Variants in KCNH1 observed in about 807,000 individuals in gnomAD.
KCNH1 encodes the protein voltage-gated delayed rectifier potassium channel KCNH1.
A neutral mutation model predicts 69.2 loss-of-function variants in KCNH1; 27 were observed. That is an observed-to-expected ratio of 0.39 (90% CI 0.29 to 0.54). KCNH1 has a LOEUF of 0.54. Ranked by LOEUF, KCNH1 falls within the 20% of genes least tolerant of loss-of-function variation. The pLI is 0.68. For missense variants in KCNH1, 798 were observed against 1,261.6 expected (o/e 0.63, Z 5.57); for synonymous variants, 456 against 487.7 (o/e 0.93, Z 0.86).
intron 10 of KCNH1, among the ~76,000 whole-genome samples, chr1:210,694,563 C>A (rs115354421): frequency 2.0e-5 from 3 of 152,200 alleles, no homozygotes; most frequent in Non-Finnish European, 1.5e-5. Flanking sequence ...AAGAAACTCT[C>A]AGCCAGTGAG....
chr1:210,981,729 T>C (rs1190125154), intron 6 of KCNH1, among the ~76,000 whole-genome samples: 1 of 152,190 alleles, frequency 6.6e-6, no homozygotes, highest in African/African-American at 2.4e-5. Context: ...CAAAACTTCC[T>C]GGCAAACTTG....
In KCNH1 at chr1:211,111,830, T is replaced by G. The variant is rs376748003; in HGVS notation, c.80-4453A>C. The stretch of plus-strand genomic sequence containing the variant: ...CACCGTCTAGGAAGTGAGGTGCCCC[T>G]CTGCCTGGCCGCTGTACTGTCTGGG... On this transcript the variant is annotated intron_variant, in intron 1 of 10. Coordinates refer to ENST00000271751, the MANE Select transcript of KCNH1 (RefSeq NM_172362.3). Among the ~76,000 whole-genome samples the G allele has an allele frequency of 1.7e-3, 150 of 89,206 alleles. 11 individuals are homozygous for G. In the East Asian group the frequency reaches 0.025, roughly 15 times the overall value. 58.5% of individuals were successfully genotyped at this position (89,206 alleles called of 152,430 possible).
intron 5 of KCNH1, among the ~76,000 whole-genome samples, chr1:211,068,130 G>T (rs1223692595): frequency 6.6e-6 from 1 of 152,194 alleles, no homozygotes; most frequent in African/African-American, 2.4e-5. Flanking sequence ...ATACAAAATT[G>T]CTATTCTCAG....
chr1:211,095,287 C>G (rs1044777768), intron 3 of KCNH1, among the ~76,000 whole-genome samples: 1 of 152,152 alleles, frequency 6.6e-6, no homozygotes, highest in African/African-American at 2.4e-5. Context: ...AATGTTAAAT[C>G]CTTTATTGAA....
At chr1:210,963,576 C>T (rs1558543521) in intron 6 of KCNH1, among the ~76,000 whole-genome samples, 1 of 151,992 alleles carries the variant, frequency 6.6e-6, no homozygotes, top group East Asian at 1.9e-4. Flanking sequence ...ACTAGAACAA[C>T]CAGTTTATAG....
chr1:210,860,699 G>C lies in KCNH1; in HGVS notation c.1463-56533C>G. On this transcript the variant is annotated intron_variant, in intron 7 of 10. Coordinates refer to ENST00000271751, the MANE Select transcript of KCNH1 (RefSeq NM_172362.3). ...GTGATACATTCTTTAGATTTTTCTT[G>C]ATTGCTGATAAATACTTGAAGGACA... 3.9e-6 allele frequency: 3 copies of C among 774,514 alleles called. 1 individual carries two copies. In the Admixed American group the frequency reaches 5.3e-5, roughly 14 times the overall value. The allele number at this position is 774,514 out of a possible 1,614,324, so 48.0% of individuals were successfully genotyped here. A position where few individuals can be genotyped will look rare whatever the true frequency, so the allele number is the denominator to read the frequency against.
intron 10 of KCNH1, among the ~76,000 whole-genome samples, chr1:210,736,540 TC>T (rs199890336): frequency 4.7e-5 from 7 of 149,678 alleles, no homozygotes; most frequent in Non-Finnish European, 1.0e-4. Flanking sequence ...TGAAACTCCA[TC>T]CCCCCTCCAA....
chr1:210,988,486 A>C (rs977482952), intron 6 of KCNH1, among the ~76,000 whole-genome samples: 1 of 152,232 alleles, frequency 6.6e-6, no homozygotes, highest in African/African-American at 2.4e-5. Flanking sequence ...AACCGTTTAC[A>C]AATTCAGATA....
intron 9 of KCNH1, among the ~76,000 whole-genome samples, chr1:210,784,096 G>C (rs1371238062): frequency 1.3e-5 from 2 of 152,210 alleles, no homozygotes; most frequent in East Asian, 3.8e-4. Context: ...CAGAAAGCAA[G>C]AATTAGTGAG....
intron 10 of KCNH1, among the ~76,000 whole-genome samples, chr1:210,691,878 T>C (rs1262088151): frequency 1.3e-5 from 2 of 152,238 alleles, no homozygotes; most frequent in Non-Finnish European, 2.9e-5. Context: ...GTTTGGCTTA[T>C]TGGAAAATCC....
chr1:210,801,331 G>C (rs1312737229), intron 8 of KCNH1, among the ~76,000 whole-genome samples: 1 of 152,200 alleles, frequency 6.6e-6, no homozygotes, highest in Non-Finnish European at 1.5e-5. Flanking sequence ...CTAGATTGGA[G>C]GGGAGGGGCA....
At chr1:211,100,614 G>A (rs1386993914) in intron 3 of KCNH1, among the ~76,000 whole-genome samples, 1 of 152,168 alleles carries the variant, frequency 6.6e-6, no homozygotes, top group African/African-American at 2.4e-5. Flanking sequence ...GCCTCCCAAA[G>A]TGCCGGGATT....
intron 7 of KCNH1, chr1:210,858,186 A>G (rs529589639): frequency 6.6e-6 from 1 of 152,262 alleles, no homozygotes; most frequent in African/African-American, 2.4e-5. Flanking sequence ...CTCTTAGATC[A>G]ACTCTTTCAC....
intron 7 of KCNH1, among the ~76,000 whole-genome samples, chr1:210,806,548 T>G (rs1404907283): frequency 6.6e-6 from 1 of 152,046 alleles, no homozygotes; most frequent in Non-Finnish European, 1.5e-5. Context: ...GTTTTAGCTT[T>G]GATGTAGCTC....
chr1:210,728,277 G>T (rs1682657512), intron 10 of KCNH1, among the ~76,000 whole-genome samples: 1 of 152,258 alleles, frequency 6.6e-6, no homozygotes, highest in Middle Eastern at 3.4e-3. Context: ...CAATCTTGGA[G>T]CCTGAGACCA....
At chr1:210,863,847 G>T (rs185628119) in intron 7 of KCNH1, among the ~76,000 whole-genome samples, 4 of 152,248 alleles carry the variant, frequency 2.6e-5, no homozygotes, top group African/African-American at 7.2e-5. Flanking sequence ...TGCTCCACAC[G>T]AAGTACTCTT....
At chr1:210,970,601 ACT>A (rs1688495088) in intron 6 of KCNH1, among the ~76,000 whole-genome samples, 1 of 152,198 alleles carries the variant, frequency 6.6e-6, no homozygotes, top group Non-Finnish European at 1.5e-5. Flanking sequence ...GAAAACAAAA[ACT>A]GGATCTCTTC....
intron 7 of KCNH1, chr1:210,861,166 G>T: frequency 1.1e-6 from 1 of 932,038 alleles, no homozygotes; most frequent in Non-Finnish European, 1.8e-6. Flanking sequence ...ACTCGTAAGG[G>T]TCTTCTTCCC....
chr1:210,966,377 G>C (rs753983682), intron 6 of KCNH1, among the ~76,000 whole-genome samples: 22 of 152,150 alleles, frequency 1.4e-4, no homozygotes, highest in East Asian at 3.8e-4. Flanking sequence ...AGCCAAAATT[G>C]ACAAATGGGA....
Sources: gnomAD v4.1 joint callset for allele counts (sites outside exome capture counted in the v4.1 genomes callset) on GRCh38, gnomAD v4.1.1 for gene constraint, MANE v1.5 for transcripts, NCBI Gene and HGNC (gene_info 2026-07-23, HGNC 2026-07-21) for gene names.